CCDC187: variants seen among roughly 807,000 people sequenced by gnomAD.
CCDC187 encodes coiled-coil domain containing 187.
CCDC187 carries 32 observed loss-of-function variants against 38.0 expected under a neutral mutation model. The observed-to-expected ratio is 0.84, with a 90% CI of 0.64 to 1.13. The LOEUF (loss-of-function observed/expected upper bound fraction) is 1.13. CCDC187 is among the 50% of genes most tolerant of loss of function. The probability of loss-of-function intolerance (pLI) is 0.00; values close to 1 mark genes in which losing one functional copy is unlikely to be tolerated. For synonymous variants in CCDC187, 333 were observed against 347.9 expected, an observed-to-expected ratio of 0.96 and a Z score of 0.48; for missense variants, 707 against 786.8, an observed-to-expected ratio of 0.90 and a Z score of 1.21.
chr9:136,288,164 G>A (rs1309188242), intron 7 of CCDC187, among the ~76,000 whole-genome samples: 1 of 152,066 alleles, frequency 6.6e-6, no homozygotes, highest in East Asian at 1.9e-4. Flanking sequence ...GTGGCATGGC[G>A]GGGCCAGCAT....
intron 14 of CCDC187, among the ~76,000 whole-genome samples, chr9:136,268,554 CT>C (rs1293129642): frequency 6.6e-6 from 1 of 152,160 alleles, no homozygotes. Flanking sequence ...GGCCATGCTT[CT>C]GTTCTGAGTG....
At chr9:136,267,615 C>G (rs564418044) in intron 15 of CCDC187, 104 bp from the exon 16 acceptor site, 1 of 985,538 alleles carries the variant, frequency 1.0e-6, no homozygotes, top group South Asian at 4.7e-5. Flanking sequence ...AGCTTCTAGA[C>G]CGCTCCCAGC....
At chr9:136,281,456 C>A (rs1831039403) in intron 10 of CCDC187, 95 bp downstream of exon 10, 1 of 398,582 alleles carries the variant, frequency 2.5e-6, no homozygotes, top group African/African-American at 2.1e-5. Flanking sequence ...CCCCGTAGGG[C>A]CAAGCTCGAG....
chr9:136,273,557 A>G (rs1272707546), intron 14 of CCDC187, among the ~76,000 whole-genome samples: 5 of 152,202 alleles, frequency 3.3e-5, no homozygotes, highest in African/African-American at 1.2e-4. Flanking sequence ...AACTCGGCAA[A>G]TTGCAACGTG....
At chr9:136,263,932 C>T (rs1830710149) in intron 17 of CCDC187, 134 bp from the exon 18 acceptor site, 1 of 571,122 alleles carries the variant, frequency 1.8e-6, no homozygotes, top group African/African-American at 2.0e-5. Context: ...TCCAATTGGC[C>T]TTTGCCCGCC....
chr9:136,287,323 C>T (rs1175716358), intron 7 of CCDC187, among the ~76,000 whole-genome samples: 1 of 152,268 alleles, frequency 6.6e-6, no homozygotes, highest in South Asian at 2.1e-4. Context: ...TGAGCCTGGC[C>T]GGTCTTAACA....
chr9:136,260,231 G>T lies in CCDC187; in HGVS notation c.4098C>A (p.Pro1366=). The T allele has an allele frequency of 1.0e-6, 1 of 985,370 alleles. No homozygotes were observed. The allele number at this position is 985,370 out of a possible 1,614,324, so 61.0% of individuals were successfully genotyped here. The change falls in exon 20 of 26, where the codon CCC becomes CCA. Residue 1366 remains proline (P), a synonymous_variant. Coordinates refer to ENST00000638797, the MANE Select transcript of CCDC187 (RefSeq NM_001378188.1). ...GACCATCTGCATCGGAGGTTGTCTG[G>T]GGTGGCGTCACATCCTGCTGCTCAG... The part of the protein sequence containing the change: ...PPTEQQDVTP[P]QTTSDADGHQ...
At position 136,281,522 on chromosome 9, in the gene CCDC187, C is replaced by T. The variant is rs974484578; in HGVS notation, c.3040+29G>A. 2.5e-5 allele frequency: 10 copies of T among 398,700 alleles called. No homozygotes were observed. In the South Asian group the frequency reaches 1.1e-3, roughly 46 times the overall value. The allele number at this position is 398,700 out of a possible 1,614,324, so 24.7% of individuals were successfully genotyped here. A position where few individuals can be genotyped will look rare whatever the true frequency, so the allele number is the denominator to read the frequency against. ...TGCCCCGGCCACCCGACCAGCCAGC[C>T]CAGGGCCTGTCCGCAGGGTCGCCCT... On this transcript the variant is annotated intron_variant, in intron 10 of 25. Coordinates refer to ENST00000638797, the MANE Select transcript of CCDC187 (RefSeq NM_001378188.1).
chr9:136,290,147 G>A (rs1831282830), intron 6 of CCDC187, 94 bp from the exon 7 acceptor site: 1 of 397,950 alleles, frequency 2.5e-6, no homozygotes, highest in South Asian at 1.3e-4. Context: ...ACCTCCCTTG[G>A]GGGTCTCAGG....
intron 14 of CCDC187, among the ~76,000 whole-genome samples, chr9:136,272,573 C>T (rs1199067385): frequency 1.3e-5 from 2 of 152,022 alleles, no homozygotes; most frequent in Admixed American, 1.3e-4. Context: ...CGTGGTGGTG[C>T]ACACTTGTAA....
upstream of CCDC187, among the ~76,000 whole-genome samples, chr9:136,305,473 G>A (rs1383830439): frequency 6.6e-6 from 1 of 152,140 alleles, no homozygotes; most frequent in Admixed American, 6.5e-5. Context: ...AGGGCCATCC[G>A]AGTGGTGCAC....
chr9:136,267,612 AG>A lies in CCDC187; in HGVS notation c.3520-102del, dbSNP rs1258023035. On this transcript the variant is annotated intron_variant, in intron 15 of 25. Transcript: ENST00000638797. ...TGGGCCGCGTCACCGCCTAGCTTCTAGACCGCTCCCAGCACAGGCCACCGCC... is the reference window on the plus strand; with the variant it reads ...TGGGCCGCGTCACCGCCTAGCTTCTAACCGCTCCCAGCACAGGCCACCGCC... 14 of 985,342 alleles carry A rather than the reference AG, an allele frequency of 1.4e-5. No individual in the cohort carries two copies. The African/African-American group carries it at 1.6e-4, about 11-fold the overall frequency. 61.0% of individuals were successfully genotyped at this position (985,342 alleles called of 1,614,324 possible). A position where few individuals can be genotyped will look rare whatever the true frequency, so the allele number is the denominator to read the frequency against.
intron 18 of CCDC187, among the ~76,000 whole-genome samples, chr9:136,262,670 A>C (rs1382349749): frequency 4.6e-5 from 7 of 152,184 alleles, no homozygotes; most frequent in Admixed American, 1.3e-4. Flanking sequence ...TGGGAGGCCC[A>C]GAATGAGGAG....
chr9:136,293,233 ACG>A (rs1351362238), intron 4 of CCDC187, among the ~76,000 whole-genome samples: 24 of 147,080 alleles, frequency 1.6e-4, no homozygotes, highest in South Asian at 1.1e-3. Context: ...TCACACTCAC[ACG>A]CTCACACTCA....
Position 136,253,791 on chromosome 9 carries a change from G to GT in CCDC187, c.6036dup (p.Pro2013ThrfsTer12). On this transcript the variant is annotated frameshift_variant, in exon 26 of 26. Transcript: ENST00000638797. LOFTEE classifies it low-confidence loss of function (END_TRUNC). ...GCTTGGGGAGTGGGAGGAGGTGGGG[G>GT]TAGGGGGGCCTCCCTGTGGATGGAG... The GT allele has an allele frequency of 1.0e-6, 1 of 985,362 alleles. No homozygotes were observed. Among genetic ancestry groups the GT allele is most frequent in the Non-Finnish European group, 1.2e-6 (1 of 829,830 alleles). 61.0% of individuals were successfully genotyped at this position (985,362 alleles called of 1,614,324 possible). A position where few individuals can be genotyped will look rare whatever the true frequency, so the allele number is the denominator to read the frequency against.
intron 10 of CCDC187, among the ~76,000 whole-genome samples, chr9:136,279,858 G>C (rs1358247559): frequency 6.6e-6 from 1 of 152,254 alleles, no homozygotes; most frequent in African/African-American, 2.4e-5. Context: ...GTGAATGGAT[G>C]AGTGCCATCA....
intron 17 of CCDC187, among the ~76,000 whole-genome samples, chr9:136,265,303 G>A (rs573933634): frequency 4.2e-4 from 64 of 152,256 alleles, no homozygotes; most frequent in Non-Finnish European, 6.3e-4. Flanking sequence ...GACTTTCCCT[G>A]GGGGTCTGCT....
Position 136,255,043 on chromosome 9 carries a change from A to C in CCDC187, c.4785T>G (p.Ser1595=). 2.0e-6 allele frequency: 2 copies of C among 985,576 alleles called. No homozygotes were observed. The highest frequency in any genetic ancestry group is 9.4e-5 in the South Asian group (2 of 21,286). The allele number at this position is 985,576 out of a possible 1,614,324, so 61.1% of individuals were successfully genotyped here. Residue 1595 remains serine, a synonymous_variant, in exon 26 of 26, where the codon TCT becomes TCG. Transcript: ENST00000638797. ...CCCAGCAGGTTCCAGAAGCAGACTC[A>C]GAGCCTGGACCGCAGGAGGAGGTGG... ...LPTTSSCGPG[S]ESASGTCWGP... is the part of the protein sequence containing the mutation.
At chr9:136,291,968 G>A (rs1047939274) in intron 5 of CCDC187, among the ~76,000 whole-genome samples, 193 bp downstream of exon 5, 1 of 152,212 alleles carries the variant, frequency 6.6e-6, no homozygotes, top group African/African-American at 2.4e-5. Flanking sequence ...CTTTTCTCAG[G>A]CTTTGAAAAC....
Sources: gnomAD v4.1 joint callset for allele counts (sites outside exome capture counted in the v4.1 genomes callset) on GRCh38, gnomAD v4.1.1 for gene constraint, MANE v1.5 for transcripts, NCBI Gene and HGNC (gene_info 2026-07-23, HGNC 2026-07-21) for gene names.